Variants in CNTNAP2 observed in about 807,000 individuals in gnomAD.
CNTNAP2 encodes the protein contactin-associated protein-like 2.
A neutral mutation model predicts 155.2 loss-of-function variants in CNTNAP2; 98 were observed. That is an observed-to-expected ratio of 0.63 (90% CI 0.54 to 0.75). The LOEUF is 0.75. Among genes scored for constraint, CNTNAP2 ranks in the 30% least tolerant of loss-of-function variants. CNTNAP2 has a pLI of 0.00. For synonymous variants in CNTNAP2, 651 were observed against 631.2 expected, an observed-to-expected ratio of 1.03 and a Z score of -0.47; for missense variants, 1,727 against 1,688.1, an observed-to-expected ratio of 1.02 and a Z score of -0.40.
intron 14 of CNTNAP2, among the ~76,000 whole-genome samples, chr7:147,946,366 C>T (rs1800820128): frequency 6.6e-6 from 1 of 151,926 alleles, no homozygotes; most frequent in African/African-American, 2.4e-5. Context: ...ACCCAAGGGA[C>T]AATGACATGG....
At chr7:148,401,694 G>T (rs912748197) in intron 22 of CNTNAP2, among the ~76,000 whole-genome samples, 3 of 151,994 alleles carry the variant, frequency 2.0e-5, no homozygotes, top group African/African-American at 7.3e-5. Context: ...CGCTTCCCGG[G>T]TTCATGCTAT....
intron 15 of CNTNAP2, among the ~76,000 whole-genome samples, chr7:147,994,613 G>C (rs1406200007): frequency 6.6e-6 from 1 of 152,196 alleles, no homozygotes; most frequent in African/African-American, 2.4e-5. Flanking sequence ...TTTCTCTCCA[G>C]AAGCTCTCTT....
At chr7:148,050,614 A>G (rs1356427433) in intron 15 of CNTNAP2, among the ~76,000 whole-genome samples, 1 of 152,184 alleles carries the variant, frequency 6.6e-6, no homozygotes, top group Non-Finnish European at 1.5e-5. Context: ...AGTGAAGCCT[A>G]AGTATACAGT....
At chr7:148,157,128 G>A (rs1228896742) in intron 17 of CNTNAP2, among the ~76,000 whole-genome samples, 2 of 152,184 alleles carry the variant, frequency 1.3e-5, no homozygotes, top group East Asian at 3.8e-4. Flanking sequence ...CTGAGTAAAT[G>A]ACTTTGTCAC....
At chr7:146,764,840 A>G (rs1185932970) in intron 1 of CNTNAP2, among the ~76,000 whole-genome samples, 2 of 152,182 alleles carry the variant, frequency 1.3e-5, no homozygotes, top group Non-Finnish European at 2.9e-5. Context: ...AATCTGAACT[A>G]ATTTTTAAGA....
At chr7:146,342,731 T>A (rs1794750292) in intron 1 of CNTNAP2, among the ~76,000 whole-genome samples, 1 of 152,196 alleles carries the variant, frequency 6.6e-6, no homozygotes. Context: ...TGAGTTCTGG[T>A]TTGGAGCTAT....
intron 1 of CNTNAP2, among the ~76,000 whole-genome samples, chr7:146,404,427 G>A (rs999734656): frequency 5.9e-5 from 9 of 152,094 alleles, no homozygotes; most frequent in Admixed American, 1.3e-4. Context: ...AGCATCCGCA[G>A]CAACATCCTT....
Position 147,729,716 on chromosome 7 carries a change from G to A in CNTNAP2, c.2098+90410G>A, listed in dbSNP as rs542683939. Among the ~76,000 whole-genome samples, 227 of 152,182 alleles carry A rather than the reference G, an allele frequency of 1.5e-3. 1 individual carries two copies. The highest frequency in any genetic ancestry group is 4.7e-3 in the African/African-American group (197 of 41,546). On this transcript the variant is annotated intron_variant, in intron 13 of 23. Coordinates refer to ENST00000361727, the MANE Select transcript of CNTNAP2 (RefSeq NM_014141.6). ...GAAGATGGATTGTAGAAAATCATAG[G>A]TGCTGCTCTTTGTGAAGCAGGTTGT...
At chr7:147,719,615 C>T (rs970412334) in intron 13 of CNTNAP2, among the ~76,000 whole-genome samples, 7 of 151,994 alleles carry the variant, frequency 4.6e-5, no homozygotes, top group Non-Finnish European at 7.4e-5. Context: ...CTGAAACTGT[C>T]ACTTAAAATC....
chr7:146,646,158 C>G (rs1427996643), intron 1 of CNTNAP2, among the ~76,000 whole-genome samples: 1 of 152,130 alleles, frequency 6.6e-6, no homozygotes, highest in Non-Finnish European at 1.5e-5. Flanking sequence ...GAAAACATAT[C>G]TGCTTAAAAG....
intron 8 of CNTNAP2, among the ~76,000 whole-genome samples, chr7:147,206,518 G>A (rs1175446428): frequency 6.6e-6 from 1 of 152,060 alleles, no homozygotes; most frequent in African/African-American, 2.4e-5. Flanking sequence ...AGTCGAGATC[G>A]TGACACTGCA....
At chr7:147,872,633 T>C (rs1397550132) in intron 13 of CNTNAP2, among the ~76,000 whole-genome samples, 1 of 152,210 alleles carries the variant, frequency 6.6e-6, no homozygotes, top group African/African-American at 2.4e-5. Context: ...CGTCACAAAA[T>C]GACATTCAAA....
intron 3 of CNTNAP2, among the ~76,000 whole-genome samples, chr7:146,883,756 C>A (rs561330634): frequency 5.3e-5 from 8 of 152,164 alleles, no homozygotes; most frequent in African/African-American, 1.9e-4. Flanking sequence ...AACAATTGAT[C>A]AAAACACTAT....
intron 9 of CNTNAP2, among the ~76,000 whole-genome samples, chr7:147,324,751 T>C (rs190971538): frequency 6.1e-5 from 9 of 146,442 alleles, no homozygotes; most frequent in Non-Finnish European, 1.0e-4. Context: ...AAACTACTTG[T>C]TTAATGTTAA....
rs367957675 is a variant in CNTNAP2 at position 147,177,805 on chromosome 7, G to A, written c.1348+45296G>A. 3.3e-5 allele frequency among the ~76,000 whole-genome samples: 5 copies of A among 152,170 alleles called. 1 individual carries two copies. Among genetic ancestry groups the A allele is most frequent in the African/African-American group, 7.2e-5 (3 of 41,522 alleles). On this transcript the variant is annotated intron_variant, in intron 8 of 23. Transcript: ENST00000361727. The stretch of plus-strand genomic sequence containing the variant: ...TCAGCACATGGGTAGGCTAATTCAC[G>A]TAACTCTTACTTCAATTTCTAATAT...
chr7:146,892,170 T>C (rs1795791611), intron 3 of CNTNAP2, among the ~76,000 whole-genome samples: 1 of 152,200 alleles, frequency 6.6e-6, no homozygotes, highest in East Asian at 1.9e-4. Context: ...GACGGCCCAC[T>C]CAATGGCTGG....
At chr7:147,616,258 T>G (rs1801290851) in intron 12 of CNTNAP2, among the ~76,000 whole-genome samples, 1 of 152,218 alleles carries the variant, frequency 6.6e-6, no homozygotes, top group Non-Finnish European at 1.5e-5. Context: ...AGTAGTAGTT[T>G]ACAAGTCATC....
At chr7:146,518,014 C>T (rs1358292037) in intron 1 of CNTNAP2, among the ~76,000 whole-genome samples, 1 of 151,848 alleles carries the variant, frequency 6.6e-6, no homozygotes, top group Admixed American at 6.6e-5. Context: ...TACCCAGTAA[C>T]TATCTATTTA....
At chr7:146,137,553 T>C (rs975041345) in intron 1 of CNTNAP2, among the ~76,000 whole-genome samples, 6 of 152,110 alleles carry the variant, frequency 3.9e-5, no homozygotes, top group African/African-American at 1.4e-4. Flanking sequence ...TGTGAATTTA[T>C]GTTATTTACA....
Sources: allele counts gnomAD v4.1 joint callset (sites outside exome capture counted in the v4.1 genomes callset), GRCh38; gene constraint gnomAD v4.1.1; transcripts MANE v1.5; gene names NCBI Gene and HGNC (gene_info 2026-07-23, HGNC 2026-07-21).